The following MPDZ variants were observed in gnomAD, a reference collection of about 807,000 sequenced individuals.
MPDZ encodes multiple PDZ domain crumbs cell polarity complex component.
Under a neutral mutation model 239.1 loss-of-function variants are expected in MPDZ, and 234 were observed. The ratio of observed to expected loss-of-function variants is 0.98; its 90% CI spans 0.88 to 1.09. The LOEUF (loss-of-function observed/expected upper bound fraction) is 1.09, where lower values mean the gene tolerates loss of function less well. MPDZ is among the 50% of genes least tolerant of loss of function. The pLI is 0.00. For missense variants in MPDZ, 3,175 were observed against 2,510.0 expected (o/e 1.26, Z -5.66); for synonymous variants, 1,048 against 881.3 (o/e 1.19, Z -3.35).
chr9:13,107,674 T>C (rs1941712228), intron 46 of MPDZ, among the ~76,000 whole-genome samples: 1 of 152,182 alleles, frequency 6.6e-6, no homozygotes, highest in Non-Finnish European at 1.5e-5. Flanking sequence ...ATTCAAGCTG[T>C]CTTAGTTCTT....
At chr9:13,260,694 G>A (rs1168099933) in intron 1 of MPDZ, among the ~76,000 whole-genome samples, 2 of 152,102 alleles carry the variant, frequency 1.3e-5, no homozygotes, top group African/African-American at 4.8e-5. Context: ...AGGAAAATCT[G>A]TCTCACTGTC....
chr9:13,169,098 A>G (rs977729755), intron 21 of MPDZ, among the ~76,000 whole-genome samples: 2 of 152,164 alleles, frequency 1.3e-5, no homozygotes, highest in Non-Finnish European at 2.9e-5. Flanking sequence ...TCCTAACATC[A>G]AGAAGCCTGT....
At chr9:13,219,471 T>C (rs1216161396) in intron 8 of MPDZ, 88 bp downstream of exon 8, 11 of 1,160,572 alleles carry the variant, frequency 9.5e-6, no homozygotes, top group South Asian at 1.5e-5. Context: ...ATAGGAACAT[T>C]AGTAAGTCTA....
chr9:13,153,429 T>A (rs1244707684), intron 24 of MPDZ, among the ~76,000 whole-genome samples: 2 of 152,134 alleles, frequency 1.3e-5, no homozygotes, highest in Non-Finnish European at 2.9e-5. Flanking sequence ...TCCACCATCC[T>A]TCCCTATTTT....
At chr9:13,109,090 A>C (rs1387612641) in intron 45 of MPDZ, 31 bp from the exon 46 acceptor site, 1 of 1,344,734 alleles carries the variant, frequency 7.4e-7, no homozygotes, top group East Asian at 2.8e-5. Context: ...AAGAGGTTTT[A>C]AATTAAAAAA....
At chr9:13,165,125 T>A (rs568602733) in intron 22 of MPDZ, among the ~76,000 whole-genome samples, 1 of 152,146 alleles carries the variant, frequency 6.6e-6, no homozygotes. Context: ...GAAAGCTTCA[T>A]AATTGGAAAA....
chr9:13,157,572 T>C (rs897788726), intron 24 of MPDZ, among the ~76,000 whole-genome samples: 3 of 152,028 alleles, frequency 2.0e-5, no homozygotes, highest in African/African-American at 7.2e-5. Flanking sequence ...GCTAGACAGA[T>C]TATGACTTAG....
chr9:13,130,338 G>T (rs1417810488), intron 32 of MPDZ, among the ~76,000 whole-genome samples: 4 of 152,108 alleles, frequency 2.6e-5, no homozygotes, highest in African/African-American at 9.7e-5. Flanking sequence ...TGTTATTAGA[G>T]CTCCCACTTT....
intron 10 of MPDZ, among the ~76,000 whole-genome samples, chr9:13,212,358 G>A (rs1309333903): frequency 1.3e-5 from 2 of 151,982 alleles, no homozygotes; most frequent in Admixed American, 6.6e-5. Context: ...ATGGAAATAA[G>A]ATCTATTTTC....
At chr9:13,151,103 C>G (rs1198690053) in intron 24 of MPDZ, among the ~76,000 whole-genome samples, 1 of 151,920 alleles carries the variant, frequency 6.6e-6, no homozygotes, top group Non-Finnish European at 1.5e-5. Context: ...CAGTAAGATA[C>G]CATCTCACAT....
At chr9:13,166,538 T>C (rs1183966003) in intron 22 of MPDZ, among the ~76,000 whole-genome samples, 1 of 152,168 alleles carries the variant, frequency 6.6e-6, no homozygotes, top group African/African-American at 2.4e-5. Context: ...TGTCTGCATG[T>C]GTGTTTACAT....
intron 22 of MPDZ, among the ~76,000 whole-genome samples, chr9:13,167,397 G>A (rs1396540579): frequency 3.9e-5 from 6 of 151,950 alleles, no homozygotes; most frequent in African/African-American, 7.3e-5. Flanking sequence ...ATAAGACAGC[G>A]GAATCTGCTC....
At chr9:13,270,233 T>A (rs1972657143) in intron 1 of MPDZ, among the ~76,000 whole-genome samples, 2 of 152,252 alleles carry the variant, frequency 1.3e-5, no homozygotes, top group African/African-American at 4.8e-5. Context: ...AAAGGACATC[T>A]GCTTTAAATG....
At chr9:13,209,561 C>T (rs1248872888) in intron 10 of MPDZ, among the ~76,000 whole-genome samples, 1 of 152,006 alleles carries the variant, frequency 6.6e-6, no homozygotes, top group Admixed American at 6.6e-5. Context: ...TGAGAATGAC[C>T]AAGGGTCATG....
At chr9:13,152,568 G>A (rs574219866) in intron 24 of MPDZ, among the ~76,000 whole-genome samples, 9 of 152,122 alleles carry the variant, frequency 5.9e-5, no homozygotes, top group Non-Finnish European at 1.2e-4. Flanking sequence ...ACGTGGAACT[G>A]TGAGTCCATT....
At position 13,119,653 on chromosome 9, in the gene MPDZ, C is replaced by T; in HGVS notation, c.5232-4G>A. On this transcript the variant is annotated splice_region_variant and splice_polypyrimidine_tract_variant and intron_variant, in intron 38 of 46. Transcript: ENST00000319217. ...CACAAATACTCCAGTATCGTTTCTA[C>T]ACACAATTTTGAATTTCAACATTAT... is the stretch of plus-strand genomic sequence containing the variant. 2 of 1,613,904 alleles carry T rather than the reference C, an allele frequency of 1.2e-6. No individual in the cohort carries two copies.
At chr9:13,122,207 A>C in intron 36 of MPDZ, 37 bp from the exon 37 acceptor site, 1 of 1,586,970 alleles carries the variant, frequency 6.3e-7, no homozygotes, top group East Asian at 2.2e-5. Flanking sequence ...TACTTATCCC[A>C]TTCTCCTAGG....
chr9:13,157,511 C>T (rs907791490), intron 24 of MPDZ, among the ~76,000 whole-genome samples: 9 of 152,092 alleles, frequency 5.9e-5, no homozygotes, highest in African/African-American at 2.2e-4. Context: ...GCACGTGATA[C>T]ATCTAAGTAT....
intron 21 of MPDZ, among the ~76,000 whole-genome samples, chr9:13,173,433 T>G (rs1952041512): frequency 6.6e-6 from 1 of 151,936 alleles, no homozygotes; most frequent in Non-Finnish European, 1.5e-5. Context: ...CCGGGCAGGG[T>G]GACTCGTGCC....
Sources: gnomAD v4.1 joint callset for allele counts (sites outside exome capture counted in the v4.1 genomes callset) on GRCh38, gnomAD v4.1.1 for gene constraint, MANE v1.5 for transcripts, NCBI Gene and HGNC (gene_info 2026-07-23, HGNC 2026-07-21) for gene names.